Variants in UMPS observed in about 807,000 individuals in gnomAD.
UMPS encodes uridine 5'-monophosphate synthase.
Under a neutral mutation model 38.9 loss-of-function variants are expected in UMPS, and 21 were observed. The ratio of observed to expected loss-of-function variants is 0.54; its 90% confidence interval spans 0.38 to 0.78. UMPS has a LOEUF of 0.78. Ranked by LOEUF, UMPS falls within the 30% of genes least tolerant of loss-of-function variation. UMPS has a pLI of 0.00. For synonymous variants in UMPS, 208 were observed against 219.3 expected (o/e 0.95, Z 0.45); for missense variants, 533 against 591.6 (o/e 0.90, Z 1.03).
rs1359864809 is a variant in UMPS at position 124,737,879 on chromosome 3, G to C, written c.622G>C (p.Ala208Pro). ...GTTTATTCAGGAGAATGTCTTTGTG[G>C]CAGCGAATCATAATGGTTCTCCCCT... The part of the protein sequence containing the change: ...KRFIQENVFV[A>P]ANHNGSPLSI... The change falls in exon 3 of 6, where the codon GCA (alanine) becomes CCA (proline). Residue 208 changes from alanine to proline, a missense_variant. By Grantham distance (27) the Ala-to-Pro change is conservative. Coordinates refer to ENST00000232607, the MANE Select transcript of UMPS (RefSeq NM_000373.4). 6.2e-7 allele frequency: 1 copy of C among 1,614,086 alleles called. No homozygotes were observed. Among genetic ancestry groups the C allele is most frequent in the African/African-American group, 1.3e-5 (1 of 74,934 alleles).
At position 124,747,768 on chromosome 3, in the gene UMPS, T is replaced by C; in HGVS notation, c.*3684T>C. The C allele has an allele frequency of 4.4e-6, 2 of 451,150 alleles. No individual in the cohort carries two copies. Among genetic ancestry groups the C allele is most frequent in the South Asian group, 3.1e-5 (2 of 64,450 alleles). The allele number at this position is 451,150 out of a possible 1,614,324, so 27.9% of individuals were successfully genotyped here. The stretch of plus-strand genomic sequence containing the variant: ...AAAACTGGGCTCCACCAGGAACCAG[T>C]CTTCTGCCTTCCCAACCATCACCTC... On this transcript the variant is annotated 3_prime_UTR_variant, in exon 6 of 6. Transcript: ENST00000232607.
Position 124,745,543 on chromosome 3 carries a change from C to T in UMPS, c.*1459C>T, listed in dbSNP as rs774474071. On this transcript the variant is annotated 3_prime_UTR_variant, in exon 6 of 6. Transcript: ENST00000232607. ...TTAACTCAGGTTTTTATTATATTCCCTCCTGAAGTTTTTACTTCAAGAGCT... is the reference window on the plus strand; with the variant it reads ...TTAACTCAGGTTTTTATTATATTCCTTCCTGAAGTTTTTACTTCAAGAGCT... The T allele has an allele frequency of 6.6e-5, 30 of 453,994 alleles. No homozygotes were observed. The highest frequency in any genetic ancestry group is 1.1e-4 in the South Asian group (7 of 64,460). 28.1% of individuals were successfully genotyped at this position (453,994 alleles called of 1,614,324 possible).
Position 124,747,912 on chromosome 3 carries a change from T to C in UMPS, c.*3828T>C, listed in dbSNP as rs1182119134. On this transcript the variant is annotated 3_prime_UTR_variant, in exon 6 of 6. Coordinates refer to ENST00000232607, the MANE Select transcript of UMPS (RefSeq NM_000373.4). Reference sequence around the variant, plus strand: ...AATGACCATGAGTAACCCTGTGGACTCTCTGCAGCTTGGTTCCTTTGCCCC... The same window carrying C: ...AATGACCATGAGTAACCCTGTGGACCCTCTGCAGCTTGGTTCCTTTGCCCC... 4.4e-6 allele frequency: 2 copies of C among 453,696 alleles called. No homozygotes were observed. The highest frequency in any genetic ancestry group is 1.6e-5 in the South Asian group (1 of 64,458). The allele number at this position is 453,696 out of a possible 1,614,324, so 28.1% of individuals were successfully genotyped here.
chr3:124,734,687 C>A (rs2063505164), intron 1 of UMPS, among the ~76,000 whole-genome samples: 1 of 152,034 alleles, frequency 6.6e-6, no homozygotes, highest in East Asian at 1.9e-4. Context: ...TTATTACTGT[C>A]TTTTCTGTTA....
chr3:124,743,341 T>TA (rs372532406), intron 5 of UMPS, among the ~76,000 whole-genome samples: 2 of 133,384 alleles, frequency 1.5e-5, no homozygotes, highest in Admixed American at 1.4e-4. Context: ...CTCAAAAAAA[T>TA]AAATAAATAA....
At position 124,746,468 on chromosome 3, in the gene UMPS, C is replaced by T. The variant is rs1016227581; in HGVS notation, c.*2384C>T. ...GCAGAATCCCAGTCTGGCATCAAAG[C>T]TTTAGAGGACAAGTTGATTCAGGCA... is the stretch of plus-strand genomic sequence containing the variant. On this transcript the variant is annotated 3_prime_UTR_variant, in exon 6 of 6. Coordinates refer to ENST00000232607, the MANE Select transcript of UMPS (RefSeq NM_000373.4). 3 of 453,696 alleles carry T rather than the reference C, an allele frequency of 6.6e-6. No homozygotes were observed. In the East Asian group the frequency reaches 2.1e-4, roughly 31 times the overall value. 28.1% of individuals were successfully genotyped at this position (453,696 alleles called of 1,614,324 possible). A position where few individuals can be genotyped will look rare whatever the true frequency, so the allele number is the denominator to read the frequency against.
intron 1 of UMPS, chr3:124,731,540 C>T (rs2063477189): frequency 6.9e-6 from 3 of 435,710 alleles, no homozygotes; most frequent in Non-Finnish European, 4.6e-6. Context: ...GGCTGGAGTG[C>T]AGCTCTGTGA....
intron 2 of UMPS, among the ~76,000 whole-genome samples, chr3:124,735,906 G>A (rs2063515123): frequency 6.6e-6 from 1 of 152,168 alleles, no homozygotes; most frequent in African/African-American, 2.4e-5. Flanking sequence ...GAACCCAGGA[G>A]GTGGAGGTTG....
In UMPS at chr3:124,738,025, A is replaced by G. The variant is rs780392037; in HGVS notation, c.768A>G (p.Leu256=). 3.5e-5 allele frequency: 57 copies of G among 1,614,116 alleles called. No homozygotes were observed. In the East Asian group the frequency reaches 1.2e-3, roughly 35 times the overall value. ...AAAAGAAGGAGACCAATCTGTGTCT[A>G]TCTGCTGATGTTTCACTGGCCAGAG... ...LMQKKETNLC[L]SADVSLAREL... is the part of the protein sequence containing the mutation. Residue 256 remains leucine, a synonymous_variant, in exon 3 of 6, where the codon CTA becomes CTG. Transcript: ENST00000232607.
rs1220580782 is a variant in UMPS at position 124,744,279 on chromosome 3, A to G, written c.*195A>G. The G allele has an allele frequency of 1.4e-6, 1 of 715,516 alleles. No individual in the cohort carries two copies. The highest frequency in any genetic ancestry group is 1.5e-5 in the South Asian group (1 of 67,390). 44.3% of individuals were successfully genotyped at this position (715,516 alleles called of 1,614,324 possible). A position where few individuals can be genotyped will look rare whatever the true frequency, so the allele number is the denominator to read the frequency against. ...TTGTAATCACCGCATTGATACTATA[A>G]TAAGTTCATTCTTAAGCTTGCTTTT... On this transcript the variant is annotated 3_prime_UTR_variant, in exon 6 of 6. Transcript: ENST00000232607.
chr3:124,743,122 T>G (rs2063568213), intron 5 of UMPS, among the ~76,000 whole-genome samples: 1 of 151,972 alleles, frequency 6.6e-6, no homozygotes, highest in Admixed American at 6.6e-5. Context: ...TCACCTGAGG[T>G]CAGGAGTTCA....
chr3:124,737,605 A>G lies in UMPS; in HGVS notation c.348A>G (p.Gly116=). The G allele has an allele frequency of 6.2e-7, 1 of 1,614,244 alleles. No individual in the cohort carries two copies. Among genetic ancestry groups the G allele is most frequent in the Non-Finnish European group, 8.5e-7 (1 of 1,180,050 alleles). Residue 116 remains glycine (G), a synonymous_variant, in exon 3 of 6, where the codon GGA becomes GGG. Coordinates refer to ENST00000232607, the MANE Select transcript of UMPS (RefSeq NM_000373.4). ...KRLVEGTINP[G]ETCLIIEDVV... ...TTGTAGAAGGAACTATTAATCCAGG[A>G]GAAACCTGTTTAATCATTGAAGATG...
chr3:124,748,793 G>C lies in UMPS; in HGVS notation c.*4709G>C, dbSNP rs1027594724. 5.0e-6 allele frequency: 2 copies of C among 400,344 alleles called. No individual in the cohort carries two copies. Among genetic ancestry groups the C allele is most frequent in the Non-Finnish European group, 9.9e-6 (2 of 201,618 alleles). 24.8% of individuals were successfully genotyped at this position (400,344 alleles called of 1,614,324 possible). A position where few individuals can be genotyped will look rare whatever the true frequency, so the allele number is the denominator to read the frequency against. On this transcript the variant is annotated 3_prime_UTR_variant, in exon 6 of 6. Coordinates refer to ENST00000232607, the MANE Select transcript of UMPS (RefSeq NM_000373.4). Reference sequence around the variant, plus strand: ...GCCATGTGTGTCTGGGACAGAGCCTGAGGTGGCCTGAGCTTCCTGTGGCTC... The same window carrying C: ...GCCATGTGTGTCTGGGACAGAGCCTCAGGTGGCCTGAGCTTCCTGTGGCTC...
chr3:124,731,463 TAATC>T, intron 1 of UMPS: 1 of 424,906 alleles, frequency 2.4e-6, no homozygotes, highest in South Asian at 1.8e-5. Context: ...AATGTATAGC[TAATC>T]AATCGCTTGT....
chr3:124,746,488 C>G lies in UMPS; in HGVS notation c.*2404C>G, dbSNP rs1327982324. On this transcript the variant is annotated 3_prime_UTR_variant, in exon 6 of 6. Transcript: ENST00000232607. Reference sequence around the variant, plus strand: ...CAAAGCTTTAGAGGACAAGTTGATTCAGGCAGAGAAGAACTTGGGCTATAC... The same window carrying G: ...CAAAGCTTTAGAGGACAAGTTGATTGAGGCAGAGAAGAACTTGGGCTATAC... 1.3e-5 allele frequency: 6 copies of G among 451,960 alleles called. No homozygotes were observed. The highest frequency in any genetic ancestry group is 9.3e-5 in the South Asian group (6 of 64,476). The allele number at this position is 451,960 out of a possible 1,614,324, so 28.0% of individuals were successfully genotyped here. A position where few individuals can be genotyped will look rare whatever the true frequency, so the allele number is the denominator to read the frequency against.
intron 3 of UMPS, chr3:124,738,682 T>A (rs558466859): frequency 1.9e-5 from 3 of 155,152 alleles, no homozygotes; most frequent in African/African-American, 7.2e-5. Flanking sequence ...CAGAATATGA[T>A]GTTTTGAATG....
At position 124,748,512 on chromosome 3, in the gene UMPS, G is replaced by A. The variant is rs560611444; in HGVS notation, c.*4428G>A. ...ATAAGTCTGGTTTAGAAGCACATTT[G>A]CCTAGCCCTTTCCTTCCCACCAAGG... On this transcript the variant is annotated 3_prime_UTR_variant, in exon 6 of 6. Coordinates refer to ENST00000232607, the MANE Select transcript of UMPS (RefSeq NM_000373.4). The A allele has an allele frequency of 9.7e-5, 44 of 454,098 alleles. No individual in the cohort carries two copies. The highest frequency in any genetic ancestry group is 6.9e-4 in the Middle Eastern group (1 of 1,444). 28.1% of individuals were successfully genotyped at this position (454,098 alleles called of 1,614,324 possible).
chr3:124,748,930 A>T lies in UMPS; in HGVS notation c.*4846A>T, dbSNP rs1383659276. On this transcript the variant is annotated 3_prime_UTR_variant, in exon 6 of 6. Transcript: ENST00000232607. ...AGAGTCTCAATCGTCAGGTAAGGAC[A>T]GTCAGTGGGAAGTGGACGGGCCGCA... 4.4e-6 allele frequency: 2 copies of T among 451,616 alleles called. No homozygotes were observed. The highest frequency in any genetic ancestry group is 4.7e-5 in the Admixed American group (2 of 42,504). The allele number at this position is 451,616 out of a possible 1,614,324, so 28.0% of individuals were successfully genotyped here.
At chr3:124,732,581 T>G (rs1429079943) in intron 1 of UMPS, 1 of 154,836 alleles carries the variant, frequency 6.5e-6, no homozygotes, top group Non-Finnish European at 1.5e-5. Flanking sequence ...AGTTTGCTAC[T>G]AGCCACGTGT....
Sources: gnomAD v4.1 joint callset for allele counts (sites outside exome capture counted in the v4.1 genomes callset) on GRCh38, gnomAD v4.1.1 for gene constraint, MANE v1.5 for transcripts, NCBI Gene and HGNC (gene_info 2026-07-23, HGNC 2026-07-21) for gene names.